The following FAM135B variants were observed in gnomAD, a reference collection of about 807,000 sequenced individuals.
FAM135B encodes the protein protein FAM135B.
FAM135B carries 43 observed loss-of-function variants against 127.7 expected under a neutral mutation model. That is an observed-to-expected ratio of 0.34 (90% CI 0.26 to 0.43). The LOEUF (loss-of-function observed/expected upper bound fraction) is 0.43. FAM135B is among the 20% of genes least tolerant of loss of function. The pLI is 1.00. For synonymous variants in FAM135B, 670 were observed against 665.1 expected (o/e 1.01, Z -0.11); for missense variants, 1,558 against 1,725.6 (o/e 0.90, Z 1.72).
chr8:138,387,348 A>G (rs2131310680), intron 1 of FAM135B, among the ~76,000 whole-genome samples: 1 of 152,238 alleles, frequency 6.6e-6, no homozygotes, highest in East Asian at 1.9e-4. Flanking sequence ...TTCCAGCAGT[A>G]CACACGCCTC....
intron 1 of FAM135B, among the ~76,000 whole-genome samples, chr8:138,488,632 T>C: frequency 6.6e-6 from 1 of 150,932 alleles, no homozygotes; most frequent in South Asian, 2.1e-4. Context: ...GTGTGCGTTT[T>C]TGTTTGTTTT....
intron 1 of FAM135B, among the ~76,000 whole-genome samples, chr8:138,445,605 C>G (rs899162006): frequency 7.4e-4 from 112 of 152,076 alleles, no homozygotes; most frequent in African/African-American, 1.3e-3. Context: ...ATTCAACAAC[C>G]CTTCATGCTA....
intron 12 of FAM135B, among the ~76,000 whole-genome samples, chr8:138,157,570 C>T (rs1249429330): frequency 7.6e-6 from 1 of 131,858 alleles, no homozygotes; most frequent in Non-Finnish European, 1.7e-5. Context: ...CCCAAAATCT[C>T]CTGAAGCTGA....
chr8:138,342,210 A>C (rs1395822088), intron 2 of FAM135B, among the ~76,000 whole-genome samples: 1 of 152,248 alleles, frequency 6.6e-6, no homozygotes, highest in Non-Finnish European at 1.5e-5. Context: ...CCCTTCAGCT[A>C]GAGTGAGACA....
At chr8:138,270,882 G>A (rs575666733) in intron 3 of FAM135B, among the ~76,000 whole-genome samples, 1 of 152,362 alleles carries the variant, frequency 6.6e-6, no homozygotes, top group Admixed American at 6.5e-5. Context: ...TGGGAGCTCA[G>A]GGTGGAGGCC....
Position 138,496,384 on chromosome 8 carries a change from C to A in FAM135B, c.-20+287G>T, listed in dbSNP as rs920839734. ...CCCCAATGGCCAAGGTCTGCATGCG[C>A]CCCCTCAGCCTCCATCTGGGACTCC... On this transcript the variant is annotated intron_variant, in intron 1 of 19. Coordinates refer to ENST00000395297, the MANE Select transcript of FAM135B (RefSeq NM_015912.4). Among the ~76,000 whole-genome samples the A allele has an allele frequency of 1.3e-5, 2 of 152,180 alleles. 1 individual carries two copies. The highest frequency in any genetic ancestry group is 4.1e-4 in the South Asian group (2 of 4,830).
intron 1 of FAM135B, among the ~76,000 whole-genome samples, chr8:138,455,621 A>T (rs1182112440): frequency 2.0e-5 from 3 of 152,190 alleles, no homozygotes; most frequent in African/African-American, 7.2e-5. Flanking sequence ...ATAAGTATCT[A>T]GGCCCAAGAG....
chr8:138,339,247 T>C (rs202024184), intron 2 of FAM135B, among the ~76,000 whole-genome samples: 17 of 151,902 alleles, frequency 1.1e-4, no homozygotes, highest in Admixed American at 9.2e-4. Context: ...TACCCTAAAA[T>C]TTAAAGTATA....
rs560081899 is a variant in FAM135B at position 138,157,787 on chromosome 8, T to G, written c.1259-4571A>C. Among the ~76,000 whole-genome samples the G allele has an allele frequency of 4.6e-5, 7 of 152,238 alleles. No homozygotes were observed. The East Asian group carries it at 7.7e-4, about 17-fold the overall frequency. On this transcript the variant is annotated intron_variant, in intron 12 of 19. Coordinates refer to ENST00000395297, the MANE Select transcript of FAM135B (RefSeq NM_015912.4). ...GGAGAAACTACAAACCACTGCTCAA[T>G]GAAATAAAAGAGGACATAAACAAAT...
chr8:138,469,929 A>G (rs1837587589), intron 1 of FAM135B, among the ~76,000 whole-genome samples: 1 of 152,220 alleles, frequency 6.6e-6, no homozygotes, highest in Admixed American at 6.5e-5. Flanking sequence ...GCACTGATCC[A>G]TTCATTCATT....
intron 9 of FAM135B, among the ~76,000 whole-genome samples, chr8:138,185,061 G>C (rs1432859148): frequency 6.6e-6 from 1 of 152,196 alleles, no homozygotes; most frequent in African/African-American, 2.4e-5. Flanking sequence ...TCTAGAGTTA[G>C]TGCTGTGAAG....
At chr8:138,462,665 T>G (rs761890220) in intron 1 of FAM135B, among the ~76,000 whole-genome samples, 2 of 151,952 alleles carry the variant, frequency 1.3e-5, no homozygotes, top group Non-Finnish European at 2.9e-5. Flanking sequence ...TACATAGGAG[T>G]TTTCTGTTCA....
At chr8:138,410,876 A>C (rs1460750725) in intron 1 of FAM135B, among the ~76,000 whole-genome samples, 1 of 151,982 alleles carries the variant, frequency 6.6e-6, no homozygotes, top group East Asian at 1.9e-4. Context: ...TCATGAGTGA[A>C]CTCCCATTCA....
chr8:138,340,954 C>T (rs1418187042), intron 2 of FAM135B, among the ~76,000 whole-genome samples: 2 of 152,206 alleles, frequency 1.3e-5, no homozygotes, highest in African/African-American at 2.4e-5. Context: ...TCCCACAAGA[C>T]GGAGCACTTT....
chr8:138,139,948 C>A (rs1816986324), intron 17 of FAM135B, among the ~76,000 whole-genome samples: 1 of 151,968 alleles, frequency 6.6e-6, no homozygotes, highest in African/African-American at 2.4e-5. Flanking sequence ...TGTGTGTGCA[C>A]AAAGATAAGT....
intron 11 of FAM135B, among the ~76,000 whole-genome samples, chr8:138,172,887 C>T (rs1478936226): frequency 6.6e-6 from 1 of 152,224 alleles, no homozygotes; most frequent in Non-Finnish European, 1.5e-5. Flanking sequence ...CCTGCCCACT[C>T]CTCCCCTACC....
chr8:138,221,240 T>C (rs1264111820), intron 7 of FAM135B, among the ~76,000 whole-genome samples: 1 of 152,024 alleles, frequency 6.6e-6, no homozygotes, highest in Non-Finnish European at 1.5e-5. Context: ...CGTACAATCA[T>C]GGAAGAAGGA....
Position 138,132,707 on chromosome 8 carries a change from G to C in FAM135B, c.4107C>G (p.Ala1369=), listed in dbSNP as rs2130486178. 1 of 1,614,218 alleles carries C rather than the reference G, an allele frequency of 6.2e-7. No homozygotes were observed. The highest frequency in any genetic ancestry group is 8.5e-7 in the Non-Finnish European group (1 of 1,180,042). The change falls in exon 20 of 20, where the codon GCC becomes GCG. Residue 1369 remains alanine (A), a synonymous_variant. Coordinates refer to ENST00000395297, the MANE Select transcript of FAM135B (RefSeq NM_015912.4). The surrounding 1 kb of genome is among the most constrained non-coding windows in gnomAD (Gnocchi z 4.5). ...TCAGGGTGTTGGCAGTGTTGGGCAG[G>C]GCGTGGAACACGTTGTGTCGGATTA... ...CTLIRHNVFH[A]LPNTANTLIG... is the part of the protein sequence containing the mutation.
At chr8:138,355,978 T>A (rs1200070622) in intron 2 of FAM135B, among the ~76,000 whole-genome samples, 1 of 152,130 alleles carries the variant, frequency 6.6e-6, no homozygotes, top group African/African-American at 2.4e-5. Context: ...AGTGGATGAG[T>A]GACTTATAAA....
Sources: gnomAD v4.1 joint callset for allele counts (sites outside exome capture counted in the v4.1 genomes callset) on GRCh38, gnomAD v4.1.1 for gene constraint, Gnocchi (gnomAD v3.1) non-coding constraint, MANE v1.5 for transcripts, NCBI Gene and HGNC (gene_info 2026-07-23, HGNC 2026-07-21) for gene names.